SLC1A7: variants seen among roughly 807,000 people sequenced by gnomAD.
The protein encoded by SLC1A7 is excitatory amino acid transporter 5.
SLC1A7 carries 40 observed loss-of-function variants against 47.7 expected under a neutral mutation model. The observed-to-expected ratio is 0.84, with a 90% CI of 0.65 to 1.09. The LOEUF (loss-of-function observed/expected upper bound fraction) is 1.09. Among genes scored for constraint, SLC1A7 ranks in the 50% least tolerant of loss-of-function variants. The pLI is 0.00. For missense variants in SLC1A7, 746 were observed against 769.5 expected (o/e 0.97, Z 0.36); for synonymous variants, 323 against 325.6 (o/e 0.99, Z 0.09).
At chr1:53,115,772 G>A (rs535165224) in intron 2 of SLC1A7, 47 of 152,462 alleles carry the variant, frequency 3.1e-4, no homozygotes, top group Admixed American at 5.9e-4. Context: ...TGTTGAGAGG[G>A]CTGTGGGTCT....
At chr1:53,136,699 T>C (rs1235836007) in intron 1 of SLC1A7, among the ~76,000 whole-genome samples, 2 of 143,356 alleles carry the variant, frequency 1.4e-5, no homozygotes, top group Non-Finnish European at 3.0e-5. Flanking sequence ...CAAGGTCTCA[T>C]TCTGTTACCC....
intron 2 of SLC1A7, among the ~76,000 whole-genome samples, chr1:53,123,346 A>G (rs1282645085): frequency 6.6e-6 from 1 of 152,210 alleles, no homozygotes. Context: ...AGGCGGGGCC[A>G]TCCTGTGGGC....
intron 2 of SLC1A7, among the ~76,000 whole-genome samples, chr1:53,120,146 G>A (rs141049933): frequency 5.9e-5 from 9 of 152,168 alleles, no homozygotes; most frequent in African/African-American, 1.4e-4. Flanking sequence ...TTGCAGGGGT[G>A]GGGGAAGGGA....
At chr1:53,106,244 G>A (rs1282826686) in intron 3 of SLC1A7, among the ~76,000 whole-genome samples, 1 of 151,864 alleles carries the variant, frequency 6.6e-6, no homozygotes, top group Non-Finnish European at 1.5e-5. Flanking sequence ...CTATCTGTGG[G>A]GCCTAACACG....
At chr1:53,090,374 G>C (rs970130906) in intron 8 of SLC1A7, 3 of 611,808 alleles carry the variant, frequency 4.9e-6, no homozygotes, top group African/African-American at 1.9e-5. Flanking sequence ...CCTGCCACAC[G>C]GGCGGCCTCT....
At chr1:53,121,532 T>C (rs1644825775) in intron 2 of SLC1A7, among the ~76,000 whole-genome samples, 1 of 152,214 alleles carries the variant, frequency 6.6e-6, no homozygotes, top group South Asian at 2.1e-4. Context: ...TCCTTTCTGG[T>C]CATTTTAATC....
intron 5 of SLC1A7, among the ~76,000 whole-genome samples, chr1:53,101,536 TCACA>T (rs1200706965): frequency 8.2e-6 from 1 of 121,574 alleles, no homozygotes; most frequent in Admixed American, 8.3e-5. Context: ...CCCTGACTCG[TCACA>T]CTCACTCACC....
At chr1:53,120,207 C>G in intron 2 of SLC1A7, among the ~76,000 whole-genome samples, 1 of 152,192 alleles carries the variant, frequency 6.6e-6, no homozygotes, top group African/African-American at 2.4e-5. Flanking sequence ...TGCTGACTGA[C>G]CCTCCCCTGG....
At chr1:53,137,287 CAAAA>C (rs60113708) in intron 1 of SLC1A7, among the ~76,000 whole-genome samples, 1 of 100,750 alleles carries the variant, frequency 9.9e-6, no homozygotes, top group African/African-American at 3.9e-5. Context: ...ACGCTATCTC[CAAAA>C]AAAAAAAAGT....
Position 53,122,141 on chromosome 1 carries a change from G to A in SLC1A7, c.216-7168C>T, listed in dbSNP as rs75913565. On this transcript the variant is annotated intron_variant, in intron 2 of 10. Coordinates refer to ENST00000371494, the MANE Select transcript of SLC1A7 (RefSeq NM_006671.6). The stretch of plus-strand genomic sequence containing the variant: ...AATAACTTTCTGGCAGAGCTGTCCT[G>A]CTCTGGCAGGAACTACCTTGAGAAG... Among the ~76,000 whole-genome samples the A allele has an allele frequency of 5.7e-3, 861 of 152,272 alleles. 9 individuals carry two copies. The highest frequency in any genetic ancestry group is 0.02 in the African/African-American group (827 of 41,534).
At chr1:53,125,806 G>A (rs1644876528) in intron 2 of SLC1A7, among the ~76,000 whole-genome samples, 1 of 152,206 alleles carries the variant, frequency 6.6e-6, no homozygotes, top group Admixed American at 6.5e-5. Context: ...GGGAACCAGA[G>A]CAGCAGGGCT....
In SLC1A7 at chr1:53,087,950, AG is replaced by A. The variant is rs1334215338; in HGVS notation, c.*58del. ...GCTGCTCAGGAGGGTTGGAGAGTCGAGTTCCTGCCTCAGGACCCTGCCCCTG... is the reference window on the plus strand; with the variant it reads ...GCTGCTCAGGAGGGTTGGAGAGTCGATTCCTGCCTCAGGACCCTGCCCCTG... On this transcript the variant is annotated 3_prime_UTR_variant, in exon 11 of 11. Coordinates refer to ENST00000371494, the MANE Select transcript of SLC1A7 (RefSeq NM_006671.6). The A allele has an allele frequency of 2.8e-6, 3 of 1,083,110 alleles. No individual in the cohort carries two copies. The African/African-American group carries it at 4.7e-5, about 17-fold the overall frequency. 67.1% of individuals were successfully genotyped at this position (1,083,110 alleles called of 1,614,324 possible). A position where few individuals can be genotyped will look rare whatever the true frequency, so the allele number is the denominator to read the frequency against.
chr1:53,113,994 C>T (rs1644727823), intron 3 of SLC1A7, among the ~76,000 whole-genome samples: 1 of 152,182 alleles, frequency 6.6e-6, no homozygotes, highest in South Asian at 2.1e-4. Context: ...GCAGCCCCAG[C>T]TTCCCCATTG....
intron 1 of SLC1A7, among the ~76,000 whole-genome samples, chr1:53,135,883 AT>A (rs36025187): frequency 7.3e-5 from 11 of 150,720 alleles, no homozygotes; most frequent in African/African-American, 9.8e-5. Flanking sequence ...ACTTGCAACT[AT>A]TTTTTTTTAA....
chr1:53,105,096 A>G (rs1644625464), intron 4 of SLC1A7, among the ~76,000 whole-genome samples: 1 of 152,228 alleles, frequency 6.6e-6, no homozygotes, highest in Non-Finnish European at 1.5e-5. Context: ...CTGTATATGC[A>G]CTATGATTAT....
At position 53,094,136 on chromosome 1, in the gene SLC1A7, A is replaced by G. The variant is rs575984649; in HGVS notation, c.698-576T>C. Among the ~76,000 whole-genome samples the G allele has an allele frequency of 1.9e-3, 282 of 152,310 alleles. 1 individual carries two copies. The highest frequency in any genetic ancestry group is 6.6e-3 in the African/African-American group (273 of 41,564). ...TATCTCACCTCTTAGGGCCTATTACAACATAACTGTCTGGGTTTTTTCCCG... is the reference window on the plus strand; with the variant it reads ...TATCTCACCTCTTAGGGCCTATTACGACATAACTGTCTGGGTTTTTTCCCG... On this transcript the variant is annotated intron_variant, in intron 5 of 10. Coordinates refer to ENST00000371494, the MANE Select transcript of SLC1A7 (RefSeq NM_006671.6).
chr1:53,106,262 G>C (rs1017626822), intron 3 of SLC1A7, among the ~76,000 whole-genome samples: 3 of 151,854 alleles, frequency 2.0e-5, no homozygotes, highest in African/African-American at 7.3e-5. Flanking sequence ...ACGGGACCTC[G>C]CACATAGGTG....
At chr1:53,102,090 G>A (rs1479739199) in intron 5 of SLC1A7, among the ~76,000 whole-genome samples, 2 of 152,242 alleles carry the variant, frequency 1.3e-5, no homozygotes, top group African/African-American at 4.8e-5. Flanking sequence ...CCAGCCCTGA[G>A]AAAGGCTGAG....
At chr1:53,103,321 T>C in intron 5 of SLC1A7, 25 bp downstream of exon 5, 2 of 1,546,212 alleles carry the variant, frequency 1.3e-6, no homozygotes, top group East Asian at 4.6e-5. Context: ...TCCACGGCAC[T>C]GCTGGGCAGG....
Sources: allele counts gnomAD v4.1 joint callset (sites outside exome capture counted in the v4.1 genomes callset), GRCh38; gene constraint gnomAD v4.1.1; transcripts MANE v1.5; gene names NCBI Gene and HGNC (gene_info 2026-07-23, HGNC 2026-07-21).